TBC1D1: variants seen among roughly 807,000 people sequenced by gnomAD.
TBC1D1 encodes TBC1 (tre-2/USP6, BUB2, cdc16) domain family, member 1.
TBC1D1 carries 89 observed loss-of-function variants against 125.6 expected under a neutral mutation model. That is an observed-to-expected ratio of 0.71 (90% confidence interval 0.60 to 0.85). TBC1D1 has a LOEUF of 0.85. Ranked by LOEUF, TBC1D1 falls within the 40% of genes least tolerant of loss-of-function variation. TBC1D1 has a pLI of 0.00. For missense variants in TBC1D1, 1,377 were observed against 1,469.2 expected (o/e 0.94, Z 1.03); for synonymous variants, 565 against 564.1 (o/e 1.00, Z -0.02).
At position 38,115,927 on chromosome 4, in the gene TBC1D1, G is replaced by C; in HGVS notation, c.2775G>C (p.Gln925His). The C allele has an allele frequency of 1.2e-6, 2 of 1,614,192 alleles. No individual in the cohort carries two copies. Among genetic ancestry groups the C allele is most frequent in the Non-Finnish European group, 1.7e-6 (2 of 1,180,034 alleles). Residue 925 changes from glutamine to histidine, a missense_variant, in exon 16 of 20, where the codon CAG (glutamine) becomes CAC (histidine). This residue lies in a region of TBC1D1 where 543 missense variants were observed against 613.5 expected (regional missense o/e 0.89). Coordinates refer to ENST00000261439, the MANE Select transcript of TBC1D1 (RefSeq NM_015173.4). ...TGTTTGACATGGGGCTGCGGAAACA[G>C]TATCGGCCAGACATGATTATTTTAC...
At chr4:38,074,917 T>C (rs561902741) in intron 12 of TBC1D1, among the ~76,000 whole-genome samples, 3 of 152,184 alleles carry the variant, frequency 2.0e-5, no homozygotes, top group African/African-American at 7.2e-5. Flanking sequence ...CGCGCCACCA[T>C]ACTTGGCTAA....
chr4:38,135,946 GTGTGTGTATATA>G (rs1304363474), intron 19 of TBC1D1, among the ~76,000 whole-genome samples: 3 of 150,632 alleles, frequency 2.0e-5, no homozygotes, highest in African/African-American at 7.3e-5. Flanking sequence ...GTGTGTGTGT[GTGTGTGTATATA>G]TGTGTATATA....
intron 9 of TBC1D1, among the ~76,000 whole-genome samples, chr4:38,045,303 T>C (rs542848351): frequency 6.6e-6 from 1 of 152,234 alleles, no homozygotes; most frequent in Non-Finnish European, 1.5e-5. Context: ...CATCTGATTT[T>C]ATTTTATTTT....
At chr4:38,076,535 T>C (rs1012944775) in intron 12 of TBC1D1, among the ~76,000 whole-genome samples, 3 of 152,138 alleles carry the variant, frequency 2.0e-5, no homozygotes, top group African/African-American at 7.2e-5. Context: ...CTGCATCCCA[T>C]TGATGTCTTA....
chr4:38,102,404 G>T (rs1760517296), intron 14 of TBC1D1, among the ~76,000 whole-genome samples: 1 of 152,016 alleles, frequency 6.6e-6, no homozygotes, highest in Non-Finnish European at 1.5e-5. Flanking sequence ...TGGAGCTCAG[G>T]TCGTATTCTT....
chr4:38,087,799 T>C (rs1397511982), intron 12 of TBC1D1, among the ~76,000 whole-genome samples: 2 of 139,208 alleles, frequency 1.4e-5, no homozygotes, highest in African/African-American at 5.5e-5. Context: ...TGAGCCAAGA[T>C]TGCGCCACCA....
intron 7 of TBC1D1, among the ~76,000 whole-genome samples, chr4:38,034,388 A>C (rs763380214): frequency 6.6e-6 from 1 of 152,258 alleles, no homozygotes; most frequent in Non-Finnish European, 1.5e-5. Context: ...TTGAAAGAAC[A>C]GGAAGGCCTC....
chr4:37,906,486 CTGATTT>C (rs1249101974), intron 2 of TBC1D1, among the ~76,000 whole-genome samples: 3 of 152,148 alleles, frequency 2.0e-5, no homozygotes, highest in Non-Finnish European at 4.4e-5. Context: ...TTGTAAGCTG[CTGATTT>C]CTTTGGACAT....
intron 15 of TBC1D1, among the ~76,000 whole-genome samples, chr4:38,115,432 C>T (rs1762831422): frequency 1.3e-5 from 2 of 152,164 alleles, no homozygotes; most frequent in African/African-American, 4.8e-5. Flanking sequence ...TGAAGTTCAG[C>T]TATTTGCAGG....
intron 2 of TBC1D1, among the ~76,000 whole-genome samples, chr4:37,953,474 T>C (rs1402538811): frequency 6.6e-6 from 1 of 152,252 alleles, no homozygotes; most frequent in Non-Finnish European, 1.5e-5. Context: ...CAACCAGTTA[T>C]GTAGTATAAT....
intron 2 of TBC1D1, among the ~76,000 whole-genome samples, chr4:37,992,121 A>G (rs1230563601): frequency 3.9e-5 from 6 of 152,172 alleles, no homozygotes; most frequent in Non-Finnish European, 7.4e-5. Flanking sequence ...GAGGAGCCCT[A>G]GAAGGTTTGT....
At chr4:37,909,175 A>G (rs2925950) in intron 2 of TBC1D1, among the ~76,000 whole-genome samples, 108,465 of 152,156 alleles carry the variant, frequency 0.71, 39,479 homozygotes, top group East Asian at 0.95. Flanking sequence ...GTAACGGCAT[A>G]GGACCTTGTG....
chr4:37,914,911 C>T (rs1719387947), intron 2 of TBC1D1, among the ~76,000 whole-genome samples: 1 of 152,236 alleles, frequency 6.6e-6, no homozygotes, highest in South Asian at 2.1e-4. Flanking sequence ...AAAGTAGCCC[C>T]ACACTAAGCA....
At chr4:38,122,233 A>G (rs1397000093) in intron 17 of TBC1D1, among the ~76,000 whole-genome samples, 1 of 152,198 alleles carries the variant, frequency 6.6e-6, no homozygotes, top group Admixed American at 6.5e-5. Context: ...TCATACCCAT[A>G]ACCTGCATCT....
chr4:37,966,001 C>T (rs1730989074), intron 2 of TBC1D1, among the ~76,000 whole-genome samples: 1 of 152,082 alleles, frequency 6.6e-6, no homozygotes. Context: ...CCTACTTCAC[C>T]CTCTGAAAGT....
At chr4:38,137,052 C>T in intron 19 of TBC1D1, 83 bp from the exon 22 acceptor site, 1 of 1,599,224 alleles carries the variant, frequency 6.3e-7, no homozygotes, top group Admixed American at 1.7e-5. Flanking sequence ...AGAGTGCTCC[C>T]AAGGCTGGAC....
chr4:38,104,898 GGT>G (rs1255168641), intron 15 of TBC1D1, among the ~76,000 whole-genome samples: 1 of 152,052 alleles, frequency 6.6e-6, no homozygotes, highest in East Asian at 1.9e-4. Context: ...TGGGACTACA[GGT>G]GCCCGCCACC....
In TBC1D1 at chr4:37,929,746, G is replaced by A. The variant is rs192718737; in HGVS notation, c.417+27234G>A. Among the ~76,000 whole-genome samples the A allele has an allele frequency of 5.5e-4, 84 of 152,330 alleles. 1 individual carries two copies. The highest frequency in any genetic ancestry group is 6.8e-3 in the Middle Eastern group (2 of 294). Reference sequence around the variant, plus strand: ...TTTGACTTGTATAGGAATTCAGAAAGGAAATGTCTTCTGTAGTCCTCCCTA... The same window carrying A: ...TTTGACTTGTATAGGAATTCAGAAAAGAAATGTCTTCTGTAGTCCTCCCTA... On this transcript the variant is annotated intron_variant, in intron 2 of 19. Transcript: ENST00000261439.
At chr4:38,017,564 C>G (rs768333411) in intron 3 of TBC1D1, among the ~76,000 whole-genome samples, 9 of 152,200 alleles carry the variant, frequency 5.9e-5, no homozygotes, top group Non-Finnish European at 1.3e-4. Flanking sequence ...ACCCCAGTTT[C>G]CAACAAGCTT....
Sources: allele counts gnomAD v4.1 joint callset (sites outside exome capture counted in the v4.1 genomes callset), GRCh38; gene constraint gnomAD v4.1.1; regional missense constraint gnomAD v4.1.1; transcripts MANE v1.5; gene names NCBI Gene and HGNC (gene_info 2026-07-23, HGNC 2026-07-21).